Variants in DOCK1 observed in about 807,000 individuals in gnomAD.
DOCK1 encodes the protein dedicator of cytokinesis 1.
DOCK1 carries 138 observed loss-of-function variants against 262.7 expected under a neutral mutation model. The observed-to-expected ratio is 0.53, with a 90% CI of 0.46 to 0.61. The LOEUF is 0.61. Ranked by LOEUF, DOCK1 falls within the 20% of genes least tolerant of loss-of-function variation. DOCK1 has a pLI of 0.00. For missense variants in DOCK1, 1,908 were observed against 2,370.7 expected, an observed-to-expected ratio of 0.80 and a Z score of 4.05; for synonymous variants, 866 against 867.4, an observed-to-expected ratio of 1.00 and a Z score of 0.03.
At chr10:127,315,242 A>G (rs1017155504) in intron 29 of DOCK1, among the ~76,000 whole-genome samples, 4 of 152,202 alleles carry the variant, frequency 2.6e-5, no homozygotes, top group Non-Finnish European at 4.4e-5. Context: ...TATCCACGGG[A>G]ACCTGTTCTG....
At chr10:127,268,184 AAC>A (rs1393916173) in intron 29 of DOCK1, among the ~76,000 whole-genome samples, 1 of 152,128 alleles carries the variant, frequency 6.6e-6, no homozygotes, top group Non-Finnish European at 1.5e-5. Flanking sequence ...TAGATGAAAA[AAC>A]AGAGTCCAGA....
intron 1 of DOCK1, among the ~76,000 whole-genome samples, chr10:126,918,248 GGATT>G: frequency 1.3e-5 from 2 of 152,170 alleles, no homozygotes; most frequent in Middle Eastern, 3.4e-3. Flanking sequence ...CTGATGCCTG[GGATT>G]GATTGCCAGC....
chr10:127,120,807 G>A (rs146646128), intron 25 of DOCK1, among the ~76,000 whole-genome samples: 1 of 152,144 alleles, frequency 6.6e-6, no homozygotes, highest in Non-Finnish European at 1.5e-5. Context: ...AAGTTTCCAT[G>A]TTGGGTATCA....
intron 49 of DOCK1, among the ~76,000 whole-genome samples, chr10:127,440,042 T>C (rs944444726): frequency 6.6e-6 from 1 of 151,912 alleles, no homozygotes; most frequent in Non-Finnish European, 1.5e-5. Flanking sequence ...TTCTGCAGGC[T>C]GTACGAGCAC....
At chr10:127,196,784 G>A (rs1052074845) in intron 27 of DOCK1, among the ~76,000 whole-genome samples, 10 of 152,030 alleles carry the variant, frequency 6.6e-5, no homozygotes, top group Non-Finnish European at 7.4e-5. Flanking sequence ...GCCTGCGCGC[G>A]GGGCTCCGCC....
At chr10:127,129,743 G>A (rs1057088643) in intron 27 of DOCK1, among the ~76,000 whole-genome samples, 1 of 152,222 alleles carries the variant, frequency 6.6e-6, no homozygotes, top group African/African-American at 2.4e-5. Flanking sequence ...TGAACCAAGT[G>A]TGGTTCTGCC....
intron 28 of DOCK1, among the ~76,000 whole-genome samples, chr10:127,257,004 C>A (rs994100513): frequency 1.3e-5 from 2 of 152,118 alleles, no homozygotes; most frequent in Non-Finnish European, 2.9e-5. Context: ...AACCTGCAAG[C>A]CTTGTTTGTT....
intron 27 of DOCK1, among the ~76,000 whole-genome samples, chr10:127,149,944 G>A (rs945118055): frequency 3.3e-5 from 5 of 152,154 alleles, no homozygotes; most frequent in Non-Finnish European, 7.3e-5. Flanking sequence ...CTAAGAGCCA[G>A]GCTTTGATCT....
rs1320430781 is a variant in DOCK1 at position 127,356,377 on chromosome 10, T to C, written c.3283+1650T>C. Among the ~76,000 whole-genome samples the C allele has an allele frequency of 3.9e-5, 6 of 152,240 alleles. No individual in the cohort carries two copies. In the East Asian group the frequency reaches 1.2e-3, roughly 29 times the overall value. On this transcript the variant is annotated intron_variant, in intron 32 of 51. Coordinates refer to ENST00000623213, the MANE Select transcript of DOCK1 (RefSeq NM_001290223.2). ...AGATAAAGTGGTTGGACTGAATTTT[T>C]CAAGAGCCTTCCAATTCCAAAACTC...
intron 29 of DOCK1, among the ~76,000 whole-genome samples, chr10:127,296,114 C>T (rs780626903): frequency 1.2e-4 from 18 of 152,286 alleles, no homozygotes; most frequent in East Asian, 1.2e-3. Context: ...ATTTCTGAGG[C>T]CTCTTCTTAC....
In DOCK1 at chr10:127,121,455, A is replaced by ATATGTGTGTGTGTG. The variant is rs139656728; in HGVS notation, c.2624-4018_2624-4017insATGTGTGTGTGTGT. Among the ~76,000 whole-genome samples, 3 of 148,260 alleles carry ATATGTGTGTGTGTG rather than the reference A, an allele frequency of 2.0e-5. No homozygotes were observed. In the East Asian group the frequency reaches 6.0e-4, roughly 30 times the overall value. On this transcript the variant is annotated intron_variant, in intron 25 of 51. Coordinates refer to ENST00000623213, the MANE Select transcript of DOCK1 (RefSeq NM_001290223.2). ...ATAGGTCATTGTAGGGTATATGTAT[A>ATATGTGTGTGTGTG]TGTGTGTGTGTGTGTGTGTGTCTAT...
At chr10:127,397,936 C>T (rs2067009256) in intron 38 of DOCK1, among the ~76,000 whole-genome samples, 5 of 152,174 alleles carry the variant, frequency 3.3e-5, no homozygotes, top group Admixed American at 3.3e-4. Flanking sequence ...CAAATAGTGG[C>T]TCCTGGATGA....
intron 27 of DOCK1, among the ~76,000 whole-genome samples, chr10:127,128,373 CT>C: frequency 7.7e-6 from 1 of 129,114 alleles, no homozygotes; most frequent in East Asian, 2.2e-4. Context: ...GTTATAATTT[CT>C]TTCCTTTTTT....
Position 127,390,010 on chromosome 10 carries a change from AAAC to A in DOCK1, c.3927+5104_3927+5106del, listed in dbSNP as rs527445190. Among the ~76,000 whole-genome samples the A allele has an allele frequency of 2.7e-3, 135 of 49,974 alleles. 3 individuals are homozygous for A. Among genetic ancestry groups the A allele is most frequent in the Admixed American group, 2.7e-3 (11 of 4,144 alleles). 32.8% of individuals were successfully genotyped at this position (49,974 alleles called of 152,430 possible). ...GCCTGGGCGACAGGAACTCTGTCTC[AAAC>A]AAAAAAAAAAAAGAGGGGCTGTGAG... is the stretch of plus-strand genomic sequence containing the variant. On this transcript the variant is annotated intron_variant, in intron 38 of 51. Transcript: ENST00000623213.
intron 29 of DOCK1, among the ~76,000 whole-genome samples, chr10:127,299,721 A>G (rs953314504): frequency 5.9e-5 from 9 of 152,080 alleles, no homozygotes; most frequent in African/African-American, 2.2e-4. Flanking sequence ...CTGACATGTC[A>G]TCTCTCCGTG....
At chr10:127,045,484 C>T (rs2044286967) in intron 21 of DOCK1, among the ~76,000 whole-genome samples, 1 of 152,142 alleles carries the variant, frequency 6.6e-6, no homozygotes. Context: ...AATATTATCC[C>T]AGAGTGTCCT....
At chr10:126,960,745 TACACACACACACACACAGACAC>T (rs2037137549) in intron 1 of DOCK1, among the ~76,000 whole-genome samples, 10 of 115,468 alleles carry the variant, frequency 8.7e-5, no homozygotes, top group African/African-American at 1.2e-4. Context: ...TATATATATA[TACACACACACACACACAGACAC>T]ATATATACGT....
At chr10:126,975,274 C>T (rs1174474258) in intron 2 of DOCK1, among the ~76,000 whole-genome samples, 1 of 152,176 alleles carries the variant, frequency 6.6e-6, no homozygotes, top group Non-Finnish European at 1.5e-5. Flanking sequence ...GTCCCCGCTT[C>T]CCACCACCCA....
intron 29 of DOCK1, among the ~76,000 whole-genome samples, chr10:127,308,094 G>C (rs1490582555): frequency 1.3e-5 from 2 of 152,218 alleles, no homozygotes; most frequent in African/African-American, 4.8e-5. Flanking sequence ...ATCTCAGACT[G>C]TGTCCCTTCC....
Sources: allele counts gnomAD v4.1 joint callset (sites outside exome capture counted in the v4.1 genomes callset), GRCh38; gene constraint gnomAD v4.1.1; transcripts MANE v1.5; gene names NCBI Gene and HGNC (gene_info 2026-07-23, HGNC 2026-07-21).